The following ERO1A variants were observed in gnomAD, a reference collection of about 807,000 sequenced individuals.
ERO1A encodes the protein endoplasmic reticulum oxidoreductase 1 alpha, also known as ERO1-like protein alpha.
Under a neutral mutation model 76.9 loss-of-function variants are expected in ERO1A, and 49 were observed. The observed-to-expected ratio is 0.64, with a 90% confidence interval of 0.51 to 0.81. ERO1A has a LOEUF of 0.81. Ranked by LOEUF, ERO1A falls within the 30% of genes least tolerant of loss-of-function variation. ERO1A has a pLI of 0.00. For synonymous variants in ERO1A, 174 were observed against 181.2 expected, an observed-to-expected ratio of 0.96 and a Z score of 0.32; for missense variants, 448 against 542.1, an observed-to-expected ratio of 0.83 and a Z score of 1.72.
At chr14:52,647,438 C>A (rs1294371768) in intron 13 of ERO1A, among the ~76,000 whole-genome samples, 2 of 151,850 alleles carry the variant, frequency 1.3e-5, no homozygotes, top group Non-Finnish European at 2.9e-5. Context: ...ATGCCACATA[C>A]CCACTACCAA....
chr14:52,656,738 A>C (rs1277224605), intron 11 of ERO1A, among the ~76,000 whole-genome samples: 7 of 151,198 alleles, frequency 4.6e-5, no homozygotes, highest in Non-Finnish European at 1.0e-4. Flanking sequence ...AAACAGTAAA[A>C]TTACTAATGA....
At chr14:52,681,957 C>A (rs923105457) in intron 3 of ERO1A, among the ~76,000 whole-genome samples, 1 of 152,066 alleles carries the variant, frequency 6.6e-6, no homozygotes, top group Admixed American at 6.5e-5. Flanking sequence ...ATTATATTAA[C>A]CACAAAATGT....
intron 11 of ERO1A, among the ~76,000 whole-genome samples, chr14:52,656,088 C>T (rs1266601196): frequency 6.6e-6 from 1 of 152,110 alleles, no homozygotes; most frequent in African/African-American, 2.4e-5. Context: ...ATCTCTTGAA[C>T]TTCTATTAAC....
Position 52,694,346 on chromosome 14 carries a change from C to T in ERO1A, c.114+1022G>A, listed in dbSNP as rs546524498. 4.6e-5 allele frequency among the ~76,000 whole-genome samples: 7 copies of T among 152,168 alleles called. No homozygotes were observed. The South Asian group carries it at 1.5e-3, about 32-fold the overall frequency. ...CCTTAGTTTCCTAGATAACACTCAC[C>T]TCAACTCCCAAATCACTCAGCAAAA... On this transcript the variant is annotated intron_variant, in intron 1 of 15. Transcript: ENST00000395686.
In ERO1A at chr14:52,653,237, T is replaced by C; in HGVS notation, c.887A>G (p.Glu296Gly). Residue 296 changes from glutamate (E) to glycine (G), a missense_variant, in exon 12 of 16, where the codon GAA (glutamate) becomes GGA (glycine). By Grantham distance (98) the Glu-to-Gly change is moderately conservative (BLOSUM62 -2). Transcript: ENST00000395686. ...CAAGTTCTTAAGCCTTCTTGGACCT[T>C]CTCCTTCAGTCAAAATTCCATCAAA... is the stretch of plus-strand genomic sequence containing the variant. ...QRFDGILTEG[E>G]GPRRLKNLYF... 6.2e-7 allele frequency: 1 copy of C among 1,612,492 alleles called. No homozygotes were observed. The highest frequency in any genetic ancestry group is 8.5e-7 in the Non-Finnish European group (1 of 1,178,930).
intron 1 of ERO1A, among the ~76,000 whole-genome samples, chr14:52,684,527 G>A (rs961426195): frequency 2.0e-5 from 3 of 152,084 alleles, no homozygotes; most frequent in African/African-American, 7.2e-5. Context: ...CCTTCCTGAG[G>A]CACAGCTGCA....
At chr14:52,665,476 T>C (rs1178286393) in intron 7 of ERO1A, among the ~76,000 whole-genome samples, 1 of 151,802 alleles carries the variant, frequency 6.6e-6, no homozygotes, top group Non-Finnish European at 1.5e-5. Flanking sequence ...CAGTCTGACA[T>C]TTTATTGGTG....
chr14:52,668,844 AATT>A (rs2040505019), intron 6 of ERO1A, among the ~76,000 whole-genome samples: 1 of 149,652 alleles, frequency 6.7e-6, no homozygotes, highest in Non-Finnish European at 1.5e-5. Flanking sequence ...ATATTACTAT[AATT>A]ATATTTGTGC....
At chr14:52,690,486 AT>A (rs1477555578) in intron 1 of ERO1A, among the ~76,000 whole-genome samples, 2 of 152,236 alleles carry the variant, frequency 1.3e-5, no homozygotes, top group Admixed American at 1.3e-4. Flanking sequence ...CATGTCTATA[AT>A]CCCAGCACTT....
chr14:52,665,506 CATACTT>C (rs1053604970), intron 7 of ERO1A, among the ~76,000 whole-genome samples: 2 of 151,556 alleles, frequency 1.3e-5, no homozygotes, highest in African/African-American at 2.4e-5. Context: ...TTACTGATCT[CATACTT>C]ATATTTGACT....
rs947824239 is a variant in ERO1A, at chr14:52,671,959, ATTT to A, written c.358-91_358-89del. 5 of 903,586 alleles carry A rather than the reference ATTT, an allele frequency of 5.5e-6. No individual in the cohort carries two copies. The African/African-American group carries it at 6.8e-5, about 12-fold the overall frequency. The allele number at this position is 903,586 out of a possible 1,614,324, so 56.0% of individuals were successfully genotyped here. The stretch of plus-strand genomic sequence containing the variant: ...TTAGAAGTTATCTGAAGCTCTTTTT[ATTT>A]TTTTTATTTTTCCAATATGTTCTTA... On this transcript the variant is annotated intron_variant, in intron 4 of 15. Coordinates refer to ENST00000395686, the MANE Select transcript of ERO1A (RefSeq NM_014584.3).
rs778069034 is a variant in ERO1A at position 52,666,489 on chromosome 14, T to G, written c.515A>C (p.Gln172Pro). The change falls in exon 7 of 16, where the codon CAG becomes CCG. Residue 172 changes from glutamine to proline, a missense_variant. Around this residue, in one of 2 missense-constraint regions of ERO1A, gnomAD observed 302 missense variants for 411.9 expected, o/e 0.73. Coordinates refer to ENST00000395686, the MANE Select transcript of ERO1A (RefSeq NM_014584.3). ...ATCTACATATTCAGCTTCAGGGGAC[T>G]GAATGTCTGTAAAATAAAATGTCTT... ...SDNFCEADDI[Q>P]SPEAEYVDLL... The G allele has an allele frequency of 6.2e-7, 1 of 1,606,320 alleles. No homozygotes were observed. The highest frequency in any genetic ancestry group is 8.5e-7 in the Non-Finnish European group (1 of 1,177,586).
rs1378566569 is a variant in ERO1A, at chr14:52,640,356, G to A, written c.*3214C>T. On this transcript the variant is annotated 3_prime_UTR_variant, in exon 16 of 16. Transcript: ENST00000395686. The stretch of plus-strand genomic sequence containing the variant: ...CATAGGAATTTTCCAAGTGGGGAAG[G>A]ATGACTAGCATACTTGATGCAAAGA... The A allele has an allele frequency of 6.6e-6, 1 of 152,220 alleles. No homozygotes were observed. The highest frequency in any genetic ancestry group is 1.5e-5 in the Non-Finnish European group (1 of 68,054). 9.4% of individuals were successfully genotyped at this position (152,220 alleles called of 1,614,324 possible).
chr14:52,686,141 C>T (rs921268900), intron 1 of ERO1A, among the ~76,000 whole-genome samples: 4 of 152,076 alleles, frequency 2.6e-5, no homozygotes, highest in African/African-American at 7.2e-5. Context: ...GAACCCAAAA[C>T]GCAGAGGTTG....
At chr14:52,651,595 ACT>A (rs992860116) in intron 13 of ERO1A, among the ~76,000 whole-genome samples, 7 of 152,176 alleles carry the variant, frequency 4.6e-5, no homozygotes, top group Middle Eastern at 3.4e-3. Flanking sequence ...AAAGATTATG[ACT>A]CTGATTTTTT....
At chr14:52,659,359 T>G (rs2040154940) in intron 9 of ERO1A, among the ~76,000 whole-genome samples, 1 of 152,170 alleles carries the variant, frequency 6.6e-6, no homozygotes, top group Non-Finnish European at 1.5e-5. Context: ...TCATCTTTAA[T>G]GCTGACAAGT....
intron 1 of ERO1A, among the ~76,000 whole-genome samples, chr14:52,693,459 G>T (rs1009676603): frequency 6.6e-6 from 1 of 152,090 alleles, no homozygotes; most frequent in Non-Finnish European, 1.5e-5. Flanking sequence ...GCCTATTGCG[G>T]GACCTTGTGA....
At chr14:52,645,003 G>A (rs2039597492) in intron 15 of ERO1A, among the ~76,000 whole-genome samples, 2 of 151,992 alleles carry the variant, frequency 1.3e-5, no homozygotes, top group Admixed American at 6.5e-5. Context: ...TAGGCCAGAA[G>A]GAAATGCATC....
At position 52,663,844 on chromosome 14, in the gene ERO1A, T is replaced by C; in HGVS notation, c.633A>G (p.Pro211=). Residue 211 remains proline (P), a synonymous_variant, in exon 8 of 16, where the codon CCA becomes CCG. Transcript: ENST00000395686. The part of the protein sequence containing the change: ...NVIYEENCFK[P]QTIKRPLNPL... Reference sequence around the variant, plus strand: ...GATTTAAAGGTCTTTTAATTGTCTGTGGCCTAGAAGTAAAAAGAATTAAAA... The same window carrying C: ...GATTTAAAGGTCTTTTAATTGTCTGCGGCCTAGAAGTAAAAAGAATTAAAA... 1.9e-6 allele frequency: 3 copies of C among 1,553,054 alleles called. No homozygotes were observed. The highest frequency in any genetic ancestry group is 2.7e-6 in the Non-Finnish European group (3 of 1,129,040).
Sources: gnomAD v4.1 joint callset for allele counts (sites outside exome capture counted in the v4.1 genomes callset) on GRCh38, gnomAD v4.1.1 for gene constraint, gnomAD v4.1.1 regional missense constraint, MANE v1.5 for transcripts, NCBI Gene and HGNC (gene_info 2026-07-23, HGNC 2026-07-21) for gene names.